Variants in TLN2 observed in about 807,000 individuals in gnomAD.
TLN2 encodes talin 2.
TLN2 carries 118 observed loss-of-function variants against 294.7 expected under a neutral mutation model. The observed-to-expected ratio is 0.40, with a 90% confidence interval of 0.34 to 0.47. The LOEUF is 0.47. TLN2 is among the 20% of genes least tolerant of loss of function. The pLI is 0.84. For synonymous variants in TLN2, 1,431 were observed against 1,304.5 expected (o/e 1.10, Z -2.09); for missense variants, 3,083 against 3,282.2 (o/e 0.94, Z 1.48).
At chr15:62,788,744 G>C (rs918499396) in intron 45 of TLN2, among the ~76,000 whole-genome samples, 7 of 152,360 alleles carry the variant, frequency 4.6e-5, no homozygotes, top group African/African-American at 1.7e-4. Flanking sequence ...ACCCAGGTTA[G>C]TCGGGCATCA....
chr15:62,671,477 CA>C (rs1307482536), intron 9 of TLN2, among the ~76,000 whole-genome samples: 1 of 152,054 alleles, frequency 6.6e-6, no homozygotes, highest in Non-Finnish European at 1.5e-5. Flanking sequence ...GTAGGGGGTC[CA>C]ATTTCTGTCT....
At chr15:62,511,927 C>T (rs2039958123) in intron 1 of TLN2, among the ~76,000 whole-genome samples, 1 of 152,110 alleles carries the variant, frequency 6.6e-6, no homozygotes, top group Non-Finnish European at 1.5e-5. Flanking sequence ...CCAGCAGTAA[C>T]CCTGGTCGAT....
rs1408318981 is a variant in TLN2 at position 62,725,783 on chromosome 15, A to G, written c.3255+679A>G. ...ACAGAGTTTGTCACCGTTCTGTCCAATGTTATCTGCCAGTTAGGAGCCAAA... is the reference window on the plus strand; with the variant it reads ...ACAGAGTTTGTCACCGTTCTGTCCAGTGTTATCTGCCAGTTAGGAGCCAAA... On this transcript the variant is annotated intron_variant, in intron 27 of 58. Transcript: ENST00000636159. Among the ~76,000 whole-genome samples the G allele has an allele frequency of 2.0e-5, 3 of 152,282 alleles. No individual in the cohort carries two copies. The East Asian group carries it at 5.8e-4, about 29-fold the overall frequency.
intron 52 of TLN2, among the ~76,000 whole-genome samples, chr15:62,814,490 CA>C (rs57230639): frequency 0.19 from 26,234 of 139,634 alleles, 2,505 homozygotes; most frequent in African/African-American, 0.27. Context: ...ATAAAACTAT[CA>C]AAAAAAAAAA....
intron 1 of TLN2, among the ~76,000 whole-genome samples, chr15:62,469,299 C>G (rs1380868667): frequency 6.6e-6 from 1 of 152,198 alleles, no homozygotes; most frequent in Admixed American, 6.5e-5. Flanking sequence ...AGGGAACTGT[C>G]TACATTGTAG....
At chr15:62,579,532 T>A (rs527458516) in intron 1 of TLN2, among the ~76,000 whole-genome samples, 4 of 152,364 alleles carry the variant, frequency 2.6e-5, no homozygotes, top group African/African-American at 7.2e-5. Flanking sequence ...AGACTCACAG[T>A]ACACTTTGAT....
intron 22 of TLN2, among the ~76,000 whole-genome samples, chr15:62,713,949 G>T (rs1229815368): frequency 7.2e-5 from 10 of 139,174 alleles, no homozygotes; most frequent in Non-Finnish European, 1.4e-4. Context: ...GTGTATGTAT[G>T]TATTGGGTTT....
chr15:62,609,492 C>G (rs1481922133), intron 2 of TLN2, among the ~76,000 whole-genome samples: 3 of 152,218 alleles, frequency 2.0e-5, no homozygotes, highest in Non-Finnish European at 2.9e-5. Flanking sequence ...TGGAACAGTT[C>G]ACAAGCCTTT....
At chr15:62,463,746 G>A (rs1468885660) in intron 1 of TLN2, among the ~76,000 whole-genome samples, 1 of 152,158 alleles carries the variant, frequency 6.6e-6, no homozygotes, top group Non-Finnish European at 1.5e-5. Context: ...AATTAGCCAG[G>A]CGTGGTGGTG....
intron 2 of TLN2, among the ~76,000 whole-genome samples, chr15:62,592,787 G>GA (rs1203211500): frequency 6.6e-6 from 1 of 152,188 alleles, no homozygotes; most frequent in Non-Finnish European, 1.5e-5. Context: ...CGCTTTGCAG[G>GA]AATAAACATG....
intron 1 of TLN2, among the ~76,000 whole-genome samples, chr15:62,531,871 A>G (rs966551557): frequency 2.0e-5 from 3 of 152,096 alleles, no homozygotes; most frequent in Non-Finnish European, 4.4e-5. Flanking sequence ...AATGGGCTAG[A>G]AGCCTGTTTT....
At chr15:62,794,620 A>G (rs2065331644) in intron 46 of TLN2, among the ~76,000 whole-genome samples, 3 of 152,126 alleles carry the variant, frequency 2.0e-5, no homozygotes, top group African/African-American at 2.4e-5. Context: ...GGCCAGCTCT[A>G]TGCCAGTCTG....
chr15:62,693,531 G>C lies in TLN2; in HGVS notation c.1215+590G>C, dbSNP rs891588993. Among the ~76,000 whole-genome samples the C allele has an allele frequency of 2.6e-5, 4 of 152,018 alleles. No homozygotes were observed. In the South Asian group the frequency reaches 8.3e-4, roughly 32 times the overall value. ...CACCCCTCAGCATCTTCCTCTCCAC[G>C]TAGCTGTACTGTGCTTTTCAGCCTC... On this transcript the variant is annotated intron_variant, in intron 13 of 58. Transcript: ENST00000636159.
rs147028233 is a variant in TLN2 at position 62,598,753 on chromosome 15, G to A, written c.-162+8991G>A. On this transcript the variant is annotated intron_variant, in intron 2 of 58. Transcript: ENST00000636159. Reference sequence around the variant, plus strand: ...AGAAATGGAATTTTCTCTCAGGAATGGAGAGAAAATAGAAGTGCTCAAAGT... The same window carrying A: ...AGAAATGGAATTTTCTCTCAGGAATAGAGAGAAAATAGAAGTGCTCAAAGT... Among the ~76,000 whole-genome samples the A allele has an allele frequency of 1.6e-3, 240 of 151,444 alleles. 2 individuals are homozygous for A. Among genetic ancestry groups the A allele is most frequent in the African/African-American group, 5.7e-3 (235 of 41,324 alleles).
chr15:62,564,223 T>G (rs1266165761), intron 1 of TLN2, among the ~76,000 whole-genome samples: 1 of 152,184 alleles, frequency 6.6e-6, no homozygotes, highest in Non-Finnish European at 1.5e-5. Flanking sequence ...GGATGGTGCC[T>G]CAGCCTCAGG....
chr15:62,612,101 C>G (rs2047965238), intron 2 of TLN2, among the ~76,000 whole-genome samples: 1 of 152,146 alleles, frequency 6.6e-6, no homozygotes, highest in South Asian at 2.1e-4. Context: ...GACCCAGCAT[C>G]TACCTGCCCA....
chr15:62,592,866 G>T (rs1208818901), intron 2 of TLN2, among the ~76,000 whole-genome samples: 1 of 152,196 alleles, frequency 6.6e-6, no homozygotes. Context: ...GATAGATGGG[G>T]TGGGGGAATG....
intron 9 of TLN2, among the ~76,000 whole-genome samples, chr15:62,667,122 C>G (rs972901290): frequency 1.3e-5 from 2 of 152,118 alleles, no homozygotes. Flanking sequence ...CCCACCACCA[C>G]GCCCGGCTAA....
At chr15:62,734,937 C>G in intron 28 of TLN2, among the ~76,000 whole-genome samples, 1 of 152,214 alleles carries the variant, frequency 6.6e-6, no homozygotes, top group East Asian at 1.9e-4. Context: ...GTAAAGACTA[C>G]ACTCACTGGT....
Sources: gnomAD v4.1 joint callset for allele counts (sites outside exome capture counted in the v4.1 genomes callset) on GRCh38, gnomAD v4.1.1 for gene constraint, MANE v1.5 for transcripts, NCBI Gene and HGNC (gene_info 2026-07-23, HGNC 2026-07-21) for gene names.